Variants in REDIC1 observed in about 807,000 individuals in gnomAD.
REDIC1 encodes the protein HEI10 Interacting Protein 1.
chr12:39,873,618 A>G, the REDIC1 span, among the ~76,000 whole-genome samples: 7 of 152,236 alleles, frequency 4.6e-5, no homozygotes, highest in Non-Finnish European at 1.0e-4. Context: ...ATTGTGCAAA[A>G]TAATTCTTCC....
chr12:39,782,866 T>C, the REDIC1 span, among the ~76,000 whole-genome samples: 1 of 152,238 alleles, frequency 6.6e-6, no homozygotes, highest in East Asian at 1.9e-4. Flanking sequence ...ACTCTTGTTA[T>C]TTTTATTATT....
At chr12:39,850,180 A>T in the REDIC1 span, among the ~76,000 whole-genome samples, 5 of 152,190 alleles carry the variant, frequency 3.3e-5, no homozygotes, top group Non-Finnish European at 7.3e-5. Context: ...GGATTTGTCC[A>T]TAAGTAGCTA....
chr12:39,881,157 G>A, the REDIC1 span, among the ~76,000 whole-genome samples: 1 of 152,162 alleles, frequency 6.6e-6, no homozygotes, highest in East Asian at 1.9e-4. Flanking sequence ...GCCAATAAAG[G>A]TTGAGTTATT....
chr12:39,747,218 G>A, the REDIC1 span, among the ~76,000 whole-genome samples: 7 of 152,204 alleles, frequency 4.6e-5, no homozygotes, highest in East Asian at 7.7e-4. Flanking sequence ...AACCAGTGTA[G>A]AGAAGTCCTT....
At chr12:39,870,539 T>G in the REDIC1 span, among the ~76,000 whole-genome samples, 1 of 152,214 alleles carries the variant, frequency 6.6e-6, no homozygotes, top group African/African-American at 2.4e-5. Context: ...GGTAGGCTTC[T>G]GCCTTTAGTC....
At chr12:39,847,546 C>T in the REDIC1 span, among the ~76,000 whole-genome samples, 3 of 152,026 alleles carry the variant, frequency 2.0e-5, no homozygotes, top group Admixed American at 6.6e-5. Context: ...GAATGCTATG[C>T]TGGTAGAACT....
the REDIC1 span, among the ~76,000 whole-genome samples, chr12:39,864,333 C>T: frequency 6.6e-6 from 1 of 152,150 alleles, no homozygotes; most frequent in Non-Finnish European, 1.5e-5. Flanking sequence ...AAGAGGATAG[C>T]CATGCAAATC....
the REDIC1 span, among the ~76,000 whole-genome samples, chr12:39,704,524 G>A: frequency 2.0e-5 from 3 of 152,144 alleles, no homozygotes; most frequent in Non-Finnish European, 4.4e-5. Flanking sequence ...CGATTCCTCA[G>A]GGATCTAGAA....
the REDIC1 span, among the ~76,000 whole-genome samples, chr12:39,824,370 G>A: frequency 1.3e-5 from 2 of 152,304 alleles, no homozygotes; most frequent in South Asian, 4.1e-4. Context: ...TGGATAATGG[G>A]AGCAGGTGGG....
chr12:39,626,245 C>A, the REDIC1 span: 15 of 1,449,622 alleles, frequency 1.0e-5, no homozygotes, highest in Admixed American at 2.0e-4. Context: ...GTCAGGAGGC[C>A]CTGGGGGATC....
chr12:39,653,542 C>CTTCTTCTTCTT, the REDIC1 span, among the ~76,000 whole-genome samples: 1 of 37,246 alleles, frequency 2.7e-5, no homozygotes, highest in African/African-American at 6.7e-5. Context: ...TCTTCTTTTT[C>CTTCTTCTTCTT]TTCTTCTTCT....
At chr12:39,683,048 A>T in the REDIC1 span, 1 of 1,613,386 alleles carries the variant, frequency 6.2e-7, no homozygotes, top group Non-Finnish European at 8.5e-7. Context: ...CAGCCAAACA[A>T]GAAGTATCAG....
At chr12:39,896,260 ATGTG>A in the REDIC1 span, among the ~76,000 whole-genome samples, 1 of 94,806 alleles carries the variant, frequency 1.1e-5, no homozygotes, top group South Asian at 3.1e-4. Context: ...ATGTATGTAT[ATGTG>A]TGTATATATG....
At chr12:39,720,728 T>G in the REDIC1 span, 51 of 1,211,774 alleles carry the variant, frequency 4.2e-5, no homozygotes, top group African/African-American at 7.6e-4. Context: ...TTTGAAGTGA[T>G]TGAATGCATT....
the REDIC1 span, among the ~76,000 whole-genome samples, chr12:39,879,595 T>C: frequency 1.3e-5 from 2 of 152,212 alleles, no homozygotes; most frequent in African/African-American, 4.8e-5. Context: ...ACCCCCTTTC[T>C]TCCTTTCTTT....
the REDIC1 span, chr12:39,829,562 T>G: frequency 6.3e-6 from 1 of 159,128 alleles, no homozygotes; most frequent in African/African-American, 2.4e-5. Context: ...TACAGGCATG[T>G]GCCACCACTC....
chr12:39,891,876 T>C, the REDIC1 span, among the ~76,000 whole-genome samples: 1 of 152,176 alleles, frequency 6.6e-6, no homozygotes, highest in Non-Finnish European at 1.5e-5. Context: ...TTTAAAGTGG[T>C]TTGATCATTA....
chr12:39,881,781 G>A, the REDIC1 span, among the ~76,000 whole-genome samples: 7 of 152,094 alleles, frequency 4.6e-5, no homozygotes, highest in Non-Finnish European at 1.0e-4. Context: ...ATGAAAAGAG[G>A]GGCAAGAAAT....
chr12:39,760,307 T>G, the REDIC1 span: 1 of 1,491,956 alleles, frequency 6.7e-7, no homozygotes, highest in Non-Finnish European at 9.1e-7. Context: ...GAGGCTTAAG[T>G]TGGAAAGATT....
Sources: gnomAD v4.1 joint callset for allele counts (sites outside exome capture counted in the v4.1 genomes callset) on GRCh38, gnomAD v4.1.1 for gene constraint, MANE v1.5 for transcripts, NCBI Gene and HGNC (gene_info 2026-07-23, HGNC 2026-07-21) for gene names.